The following PCID2 variants were observed in gnomAD, a reference collection of about 807,000 sequenced individuals.
The protein encoded by PCID2 is PCI domain-containing protein 2.
In PCID2, 41 loss-of-function variants were observed where a neutral mutation model predicts 61.3. The ratio of observed to expected loss-of-function variants is 0.67; its 90% CI spans 0.52 to 0.87. The LOEUF is 0.87. PCID2 is among the 40% of genes least tolerant of loss of function. The pLI, the probability that PCID2 is intolerant of heterozygous loss-of-function variation, is 0.00. For synonymous variants in PCID2, 187 were observed against 177.8 expected (o/e 1.05, Z -0.41); for missense variants, 392 against 493.4 (o/e 0.79, Z 1.95).
Position 113,208,239 on chromosome 13 carries a change from C to G in PCID2, c.36+360G>C. 8 of 1,457,362 alleles carry G rather than the reference C, an allele frequency of 5.5e-6. No individual in the cohort carries two copies. The South Asian group carries it at 1.1e-4, about 19-fold the overall frequency. The allele number at this position is 1,457,362 out of a possible 1,614,324, so 90.3% of individuals were successfully genotyped here. A position where few individuals can be genotyped will look rare whatever the true frequency, so the allele number is the denominator to read the frequency against. ...GAAACAGCGTCCATCCGACACAGCACCGCCCACAGCGGGCCCTCGGCGTGG... is the reference window on the plus strand; with the variant it reads ...GAAACAGCGTCCATCCGACACAGCAGCGCCCACAGCGGGCCCTCGGCGTGG... On this transcript the variant is annotated intron_variant, in intron 1 of 13. Transcript: ENST00000337344.
At chr13:113,172,094 A>T in the PCID2 span, 1 of 1,612,742 alleles carries the variant, frequency 6.2e-7, no homozygotes, top group Non-Finnish European at 8.5e-7. Flanking sequence ...GTTTAAACAG[A>T]TCATGAACTA....
intron 1 of PCID2, among the ~76,000 whole-genome samples, chr13:113,203,990 A>G (rs2039618026): frequency 6.6e-6 from 1 of 152,206 alleles, no homozygotes; most frequent in Non-Finnish European, 1.5e-5. Context: ...ACAGACTCCA[A>G]CCTTGCTCAA....
At chr13:113,201,305 A>T (rs1178569517) in intron 1 of PCID2, among the ~76,000 whole-genome samples, 1 of 152,162 alleles carries the variant, frequency 6.6e-6, no homozygotes, top group East Asian at 1.9e-4. Context: ...CTGCAGGAAA[A>T]CTGTATAACT....
chr13:113,170,318 T>TG, the PCID2 span: 21 of 597,668 alleles, frequency 3.5e-5, no homozygotes, highest in African/African-American at 1.0e-4. Flanking sequence ...GGGGTGGGGG[T>TG]GGGGGGGTGG....
Position 113,185,444 on chromosome 13 carries a change from C to G in PCID2, c.543+41G>C, listed in dbSNP as rs376600045. ...TGATATGTGGGAAGCCCAGGACAAT[C>G]GAAAATTGTAAAGACAGAAAGGATT... On this transcript the variant is annotated intron_variant, in intron 8 of 13. Transcript: ENST00000337344. The G allele has an allele frequency of 7.0e-6, 10 of 1,431,114 alleles. No homozygotes were observed. The African/African-American group carries it at 9.8e-5, about 14-fold the overall frequency. 88.7% of individuals were successfully genotyped at this position (1,431,114 alleles called of 1,614,324 possible). A position where few individuals can be genotyped will look rare whatever the true frequency, so the allele number is the denominator to read the frequency against.
intron 1 of PCID2, chr13:113,208,239 C>A: frequency 6.9e-7 from 1 of 1,457,364 alleles, no homozygotes; most frequent in South Asian, 1.3e-5. Context: ...CGACACAGCA[C>A]CGCCCACAGC....
At chr13:113,208,311 C>T (rs748483828) in intron 1 of PCID2, 5 of 1,432,192 alleles carry the variant, frequency 3.5e-6, no homozygotes, top group Non-Finnish European at 4.6e-6. Context: ...CACGTGCCAG[C>T]AAGTGAGGGC....
At chr13:113,193,068 C>T (rs1278575254) in intron 6 of PCID2, among the ~76,000 whole-genome samples, 4 of 152,142 alleles carry the variant, frequency 2.6e-5, no homozygotes, top group Non-Finnish European at 5.9e-5. Flanking sequence ...GACCTCCCTG[C>T]CTCCAGAACT....
chr13:113,176,816 AT>A (rs1304758641), downstream of PCID2, among the ~76,000 whole-genome samples: 1 of 152,172 alleles, frequency 6.6e-6, no homozygotes, highest in Non-Finnish European at 1.5e-5. Context: ...CACAGCAAGA[AT>A]ACCACCTTAT....
chr13:113,195,461 T>A (rs925744470), intron 5 of PCID2, among the ~76,000 whole-genome samples: 2 of 152,178 alleles, frequency 1.3e-5, no homozygotes, highest in Non-Finnish European at 2.9e-5. Flanking sequence ...AAAGAAGTGG[T>A]TTGATCAGAT....
chr13:113,208,572 G>A (rs769858877), intron 1 of PCID2, 27 bp downstream of exon 1: 10 of 1,605,154 alleles, frequency 6.2e-6, no homozygotes, highest in Non-Finnish European at 7.6e-6. Context: ...CAACCACGCC[G>A]CCGCGCGCTC....
At chr13:113,199,690 G>A (rs1050032538) in intron 2 of PCID2, among the ~76,000 whole-genome samples, 2 of 152,142 alleles carry the variant, frequency 1.3e-5, no homozygotes, top group African/African-American at 4.8e-5. Context: ...GAGTCTCATC[G>A]AGTCTCTAGC....
At chr13:113,189,995 C>T (rs2038465452) in intron 7 of PCID2, among the ~76,000 whole-genome samples, 2 of 148,822 alleles carry the variant, frequency 1.3e-5, no homozygotes, top group Non-Finnish European at 3.0e-5. Flanking sequence ...TGCACTCCAG[C>T]CTGGGCGACA....
intron 2 of PCID2, 25 bp downstream of exon 2, chr13:113,200,402 C>A: frequency 7.0e-7 from 1 of 1,418,904 alleles, no homozygotes; most frequent in Non-Finnish European, 1.0e-6. Context: ...CTGCAGACAC[C>A]TGTGTGCACA....
At chr13:113,202,604 G>A (rs2039510582) in intron 1 of PCID2, among the ~76,000 whole-genome samples, 1 of 152,164 alleles carries the variant, frequency 6.6e-6, no homozygotes, top group Admixed American at 6.5e-5. Context: ...ATACAGTTAA[G>A]TGAAAAAAGC....
intron 1 of PCID2, among the ~76,000 whole-genome samples, chr13:113,203,423 C>A (rs1171161591): frequency 6.6e-6 from 1 of 152,138 alleles, no homozygotes; most frequent in Non-Finnish European, 1.5e-5. Flanking sequence ...ATAGCCCTGG[C>A]CACAGGTTTA....
At chr13:113,170,660 C>G in the PCID2 span, 1 of 675,182 alleles carries the variant, frequency 1.5e-6, no homozygotes, top group South Asian at 1.7e-5. Context: ...GTCAATAAAA[C>G]TGAGATACTT....
intron 4 of PCID2, among the ~76,000 whole-genome samples, chr13:113,196,801 G>A (rs548744570): frequency 2.6e-5 from 4 of 152,304 alleles, no homozygotes; most frequent in South Asian, 4.1e-4. Flanking sequence ...ATTCAATGCC[G>A]ATGTACATCT....
intron 1 of PCID2, among the ~76,000 whole-genome samples, chr13:113,204,960 T>C (rs952042018): frequency 6.6e-6 from 1 of 152,080 alleles, no homozygotes; most frequent in Non-Finnish European, 1.5e-5. Flanking sequence ...CAGGGGATGC[T>C]CCCTGGCTCT....
Sources: allele counts gnomAD v4.1 joint callset (sites outside exome capture counted in the v4.1 genomes callset), GRCh38; gene constraint gnomAD v4.1.1; transcripts MANE v1.5; gene names NCBI Gene and HGNC (gene_info 2026-07-23, HGNC 2026-07-21).